SMARCD3: variants seen among roughly 807,000 people sequenced by gnomAD.
SMARCD3 encodes SWI/SNF related BAF chromatin remodeling complex subunit D3, also known as SWI/SNF-related matrix-associated actin-dependent regulator of chromatin subfamily D member 3.
SMARCD3 carries 14 observed loss-of-function variants against 58.0 expected under a neutral mutation model. That is an observed-to-expected ratio of 0.24 (90% CI 0.16 to 0.38). The LOEUF (loss-of-function observed/expected upper bound fraction) is 0.38. SMARCD3 is among the 10% of genes least tolerant of loss of function. The probability of loss-of-function intolerance (pLI) is 1.00; values close to 1 mark genes in which losing one functional copy is unlikely to be tolerated. For synonymous variants in SMARCD3, 253 were observed against 253.8 expected, an observed-to-expected ratio of 1.00 and a Z score of 0.03; for missense variants, 408 against 636.9, an observed-to-expected ratio of 0.64 and a Z score of 3.87.
chr7:151,250,722 A>G (rs1563669388), upstream of SMARCD3, among the ~76,000 whole-genome samples: 1 of 152,104 alleles, frequency 6.6e-6, no homozygotes, highest in Non-Finnish European at 1.5e-5. Context: ...CTGTGCTTCA[A>G]GGACATTAGC....
Position 151,243,757 on chromosome 7 carries a change from C to T in SMARCD3, c.291-56G>A, listed in dbSNP as rs942111475. On this transcript the variant is annotated intron_variant, in intron 2 of 12. Coordinates refer to ENST00000262188, the MANE Select transcript of SMARCD3 (RefSeq NM_001003801.2). This position sits in a 1 kb window ranked among gnomAD's most constrained non-coding sequence, Gnocchi z 4.4. Reference sequence around the variant, plus strand: ...ACCATGGCGACAGATCTGGGCGTAACGAGGCCACCTGCTAGATTATCCCGA... The same window carrying T: ...ACCATGGCGACAGATCTGGGCGTAATGAGGCCACCTGCTAGATTATCCCGA... 4 of 1,219,280 alleles carry T rather than the reference C, an allele frequency of 3.3e-6. No individual in the cohort carries two copies. The highest frequency in any genetic ancestry group is 4.9e-6 in the Non-Finnish European group (4 of 819,444). 75.5% of individuals were successfully genotyped at this position (1,219,280 alleles called of 1,614,324 possible). A position where few individuals can be genotyped will look rare whatever the true frequency, so the allele number is the denominator to read the frequency against.
At chr7:151,272,309 T>C (rs990086907) in intron 2 of SMARCD3, among the ~76,000 whole-genome samples, 13 of 152,152 alleles carry the variant, frequency 8.5e-5, no homozygotes, top group African/African-American at 3.1e-4. Flanking sequence ...TGGTTTGCAT[T>C]TGGTGCAGTA....
chr7:151,245,571 A>G lies in SMARCD3; in HGVS notation c.179T>C (p.Leu60Pro). ...YMGSPAVRPG[L>P]APAGMEPARK... ...GGCGGGCTCCATGCCCGCGGGGGCC[A>G]GGCCGGGTCGCACGGCGGGGCTGCC... Residue 60 changes from leucine to proline, a missense_variant, in exon 2 of 13, where the codon CTG becomes CCG. Physicochemically the swap from Leu to Pro is moderately conservative, Grantham distance 98. This residue lies in a region of SMARCD3 where 84 missense variants were observed against 81.2 expected (regional missense o/e 1.03). Transcript: ENST00000262188. The surrounding 1 kb of genome is among the most constrained non-coding windows in gnomAD (Gnocchi z 6.2). 8.5e-7 allele frequency: 1 copy of G among 1,171,192 alleles called. No individual in the cohort carries two copies. The highest frequency in any genetic ancestry group is 1.1e-6 in the Non-Finnish European group (1 of 934,002). 72.5% of individuals were successfully genotyped at this position (1,171,192 alleles called of 1,614,324 possible).
In SMARCD3 at chr7:151,241,707, C is replaced by A; in HGVS notation, c.778-54G>T. On this transcript the variant is annotated intron_variant, in intron 7 of 12. Coordinates refer to ENST00000262188, the MANE Select transcript of SMARCD3 (RefSeq NM_001003801.2). The surrounding 1 kb of genome is among the most constrained non-coding windows in gnomAD (Gnocchi z 5.3). The stretch of plus-strand genomic sequence containing the variant: ...CCAAAGGGAGAGAAAGGAAGGAGCC[C>A]AGGGCCAGGCCATTCAGGACTAGGG... 1 of 1,535,238 alleles carries A rather than the reference C, an allele frequency of 6.5e-7. No individual in the cohort carries two copies. The highest frequency in any genetic ancestry group is 1.8e-5 in the Admixed American group (1 of 54,804).
chr7:151,248,694 T>C lies in SMARCD3; in HGVS notation c.-132A>G. The C allele has an allele frequency of 7.2e-7, 1 of 1,387,168 alleles. No homozygotes were observed. The highest frequency in any genetic ancestry group is 9.4e-7 in the Non-Finnish European group (1 of 1,059,262). 85.9% of individuals were successfully genotyped at this position (1,387,168 alleles called of 1,614,324 possible). A position where few individuals can be genotyped will look rare whatever the true frequency, so the allele number is the denominator to read the frequency against. On this transcript the variant is annotated 5_prime_UTR_variant, in exon 1 of 13. Transcript: ENST00000262188. This position sits in a 1 kb window ranked among gnomAD's most constrained non-coding sequence, Gnocchi z 6.1. Reference sequence around the variant, plus strand: ...CTCTCACACTTCTACTCGAGCGGAGTGGGGAGGGGGCCCCTTCAGGGCTGC... The same window carrying C: ...CTCTCACACTTCTACTCGAGCGGAGCGGGGAGGGGGCCCCTTCAGGGCTGC...
chr7:151,248,740 GCC>G, upstream of SMARCD3: 2 of 1,151,244 alleles, frequency 1.7e-6, no homozygotes, highest in Non-Finnish European at 1.1e-6. This position sits in a 1 kb window ranked among gnomAD's most constrained non-coding sequence, Gnocchi z 6.1. Flanking sequence ...CACGGCCCAC[GCC>G]GCCGCCGCCC....
At chr7:151,253,038 C>A (rs147760030), upstream of SMARCD3, among the ~76,000 whole-genome samples, 187 of 152,342 alleles carry the variant, frequency 1.2e-3, 3 homozygotes, top group South Asian at 0.024. Context: ...TCAGTGTCCT[C>A]AGAAGTGAAA....
intron 2 of SMARCD3, among the ~76,000 whole-genome samples, chr7:151,259,789 T>C (rs994813537): frequency 2.0e-5 from 3 of 151,912 alleles, no homozygotes; most frequent in Non-Finnish European, 4.4e-5. Context: ...TTTGTGTTTT[T>C]AGTAGAGACG....
upstream of SMARCD3, among the ~76,000 whole-genome samples, chr7:151,249,735 C>T (rs369283052): frequency 1.3e-5 from 2 of 150,458 alleles, no homozygotes. The surrounding 1 kb of genome is among the most constrained non-coding windows in gnomAD (Gnocchi z 4.8). Flanking sequence ...GGCCTCAAGA[C>T]CCCAAAGAGA....
chr7:151,277,143 G>GGCGCCT (rs1713381708), upstream of SMARCD3: 1 of 151,094 alleles, frequency 6.6e-6, no homozygotes, highest in African/African-American at 2.4e-5. Flanking sequence ...GGCTCGGCCC[G>GGCGCCT]GCGCCTGCGC....
chr7:151,275,342 C>G (rs1795309589), intron 1 of SMARCD3: 1 of 617,772 alleles, frequency 1.6e-6, no homozygotes, highest in South Asian at 1.9e-5. Flanking sequence ...GAGTGGAGGT[C>G]TGAGGAAGCC....
intron 2 of SMARCD3, chr7:151,274,997 TG>T (rs1795297216): frequency 7.5e-6 from 6 of 804,642 alleles, no homozygotes; most frequent in Non-Finnish European, 1.0e-5. Flanking sequence ...GGAGTCCAGC[TG>T]GGGGCAGAAA....
At chr7:151,267,527 C>T (rs1795034543) in intron 2 of SMARCD3, among the ~76,000 whole-genome samples, 1 of 152,254 alleles carries the variant, frequency 6.6e-6, no homozygotes, top group Admixed American at 6.5e-5. Flanking sequence ...AGGGATTCTA[C>T]AACAGCCCCT....
chr7:151,265,367 C>G (rs1804047834), intron 2 of SMARCD3, among the ~76,000 whole-genome samples: 2 of 152,298 alleles, frequency 1.3e-5, no homozygotes, highest in Middle Eastern at 6.8e-3. Flanking sequence ...AGACAGATCC[C>G]TCCCTCACAG....
At chr7:151,253,829 C>A (rs952754582) in intron 2 of SMARCD3, among the ~76,000 whole-genome samples, 3 of 42 alleles carry the variant, frequency 0.071, no homozygotes, top group Non-Finnish European at 0.11. Flanking sequence ...CAGGGTGTGG[C>A]TCTGCTGGCG....
intron 2 of SMARCD3, among the ~76,000 whole-genome samples, chr7:151,271,738 C>T (rs1795180952): frequency 6.6e-6 from 1 of 151,986 alleles, no homozygotes; most frequent in African/African-American, 2.4e-5. Context: ...ATTGCTTGAG[C>T]CCAGGAATTT....
Position 151,241,645 on chromosome 7 carries a change from C to A in SMARCD3, c.786G>T (p.Gln262His), listed in dbSNP as rs1447053794. The A allele has an allele frequency of 5.0e-6, 8 of 1,609,534 alleles. No individual in the cohort carries two copies. The change falls in exon 8 of 13, where the codon CAG becomes CAT. Residue 262 changes from glutamine to histidine, a missense_variant. This residue lies in a region of SMARCD3 where 115 missense variants were observed against 257.2 expected (regional missense o/e 0.45). Coordinates refer to ENST00000262188, the MANE Select transcript of SMARCD3 (RefSeq NM_001003801.2). The surrounding 1 kb of genome is among the most constrained non-coding windows in gnomAD (Gnocchi z 5.3). ...LLLMLDYQPP[Q>H]FKLDPRLARL... ...GGGCTAGGCGGGGATCCAGTTTGAA[C>A]TGGGGAGGCTGGGAAAAGGGGACTG...
intron 1 of SMARCD3, chr7:151,275,286 A>G: frequency 1.3e-6 from 1 of 758,776 alleles, no homozygotes; most frequent in African/African-American, 1.7e-5. Flanking sequence ...GCCCCAGCGT[A>G]GATTCAAGGA....
At position 151,243,806 on chromosome 7, in the gene SMARCD3, T is replaced by A; in HGVS notation, c.291-105A>T. The A allele has an allele frequency of 4.8e-6, 4 of 838,854 alleles. No homozygotes were observed. Among genetic ancestry groups the A allele is most frequent in the Non-Finnish European group, 8.4e-6 (4 of 478,648 alleles). 52.0% of individuals were successfully genotyped at this position (838,854 alleles called of 1,614,324 possible). On this transcript the variant is annotated intron_variant, in intron 2 of 12. Coordinates refer to ENST00000262188, the MANE Select transcript of SMARCD3 (RefSeq NM_001003801.2). This position sits in a 1 kb window ranked among gnomAD's most constrained non-coding sequence, Gnocchi z 4.4. ...GACATCTCCGCCCGCCTGGCTGGGG[T>A]TCCCACAGCCCACTTGTCTGCCCGC...
Sources: gnomAD v4.1 joint callset for allele counts (sites outside exome capture counted in the v4.1 genomes callset) on GRCh38, gnomAD v4.1.1 for gene constraint, gnomAD v4.1.1 regional missense constraint, Gnocchi (gnomAD v3.1) non-coding constraint, MANE v1.5 for transcripts, NCBI Gene and HGNC (gene_info 2026-07-23, HGNC 2026-07-21) for gene names.